Variants in CDH11 observed in about 807,000 individuals in gnomAD.
The protein encoded by CDH11 is cadherin 11.
A neutral mutation model predicts 67.8 loss-of-function variants in CDH11; 11 were observed. That is an observed-to-expected ratio of 0.16 (90% confidence interval 0.10 to 0.27). The LOEUF (loss-of-function observed/expected upper bound fraction) is 0.27. CDH11 is among the 10% of genes least tolerant of loss of function. The probability of loss-of-function intolerance (pLI) is 1.00; values close to 1 mark genes in which losing one functional copy is unlikely to be tolerated. For synonymous variants in CDH11, 419 were observed against 400.0 expected, an observed-to-expected ratio of 1.05 and a Z score of -0.57; for missense variants, 847 against 1,031.2, an observed-to-expected ratio of 0.82 and a Z score of 2.45.
rs200192911 is a variant in CDH11 at position 64,980,436 on chromosome 16, G to GA, written c.1253+1611dup. On this transcript the variant is annotated intron_variant, in intron 8 of 12. Coordinates refer to ENST00000268603, the MANE Select transcript of CDH11 (RefSeq NM_001797.4). ...GGGGTGAGGTAGGGAGGAGCAAGAG[G>GA]AAGGACATCCGATACATCTCTAGGG... is the stretch of plus-strand genomic sequence containing the variant. Among the ~76,000 whole-genome samples the GA allele has an allele frequency of 2.3e-3, 343 of 152,288 alleles. 3 individuals are homozygous for GA. The highest frequency in any genetic ancestry group is 7.6e-3 in the African/African-American group (314 of 41,566).
chr16:65,043,644 G>C (rs1434660867), intron 2 of CDH11, among the ~76,000 whole-genome samples: 2 of 152,208 alleles, frequency 1.3e-5, no homozygotes, highest in East Asian at 3.9e-4. Context: ...GAGACCACCA[G>C]ATCTTCAGTG....
chr16:65,021,871 A>C (rs2073432078), intron 2 of CDH11, among the ~76,000 whole-genome samples: 1 of 108,850 alleles, frequency 9.2e-6, no homozygotes, highest in Non-Finnish European at 1.9e-5. Flanking sequence ...CCCTAAAGTA[A>C]CTCAGAAAAA....
intron 2 of CDH11, among the ~76,000 whole-genome samples, chr16:65,014,001 A>G (rs1311614834): frequency 6.6e-6 from 1 of 152,202 alleles, no homozygotes; most frequent in Non-Finnish European, 1.5e-5. Context: ...CTGCTGTAAC[A>G]CAGAACATGG....
chr16:65,023,707 TG>T (rs1417904005), intron 2 of CDH11, among the ~76,000 whole-genome samples: 2 of 152,324 alleles, frequency 1.3e-5, no homozygotes, highest in African/African-American at 4.8e-5. Flanking sequence ...ATGGTAGCTT[TG>T]GGACATTGCT....
chr16:65,114,760 G>T (rs898740542), intron 1 of CDH11, among the ~76,000 whole-genome samples: 32 of 152,254 alleles, frequency 2.1e-4, no homozygotes, highest in African/African-American at 7.2e-4. Flanking sequence ...AGCCCAGCCT[G>T]GCTGTGATTT....
intron 2 of CDH11, among the ~76,000 whole-genome samples, chr16:65,031,228 C>T (rs2073637348): frequency 6.6e-6 from 1 of 152,188 alleles, no homozygotes; most frequent in Non-Finnish European, 1.5e-5. Context: ...GAAATGCATT[C>T]ACCAAACATA....
intron 12 of CDH11, among the ~76,000 whole-genome samples, chr16:64,950,530 C>A (rs567899369): frequency 6.6e-6 from 1 of 152,258 alleles, no homozygotes; most frequent in South Asian, 2.1e-4. Context: ...CTTCCCTGTT[C>A]TCTGCTGGAA....
At position 64,944,646 on chromosome 16, in the gene CDH11, A is replaced by C. The variant is rs543080200; in HGVS notation, c.*2957T>G. 46 of 231,672 alleles carry C rather than the reference A, an allele frequency of 2.0e-4. No individual in the cohort carries two copies. In the East Asian group the frequency reaches 2.8e-3, roughly 14 times the overall value. 14.4% of individuals were successfully genotyped at this position (231,672 alleles called of 1,614,324 possible). A position where few individuals can be genotyped will look rare whatever the true frequency, so the allele number is the denominator to read the frequency against. ...CCTGACATACAGAGCCATGATCTCT[A>C]TATTTTTAAGCAATTCTCCAAGAGG... On this transcript the variant is annotated 3_prime_UTR_variant, in exon 13 of 13. Coordinates refer to ENST00000268603, the MANE Select transcript of CDH11 (RefSeq NM_001797.4).
chr16:64,968,792 G>T (rs1315859673), intron 11 of CDH11, among the ~76,000 whole-genome samples: 1 of 152,182 alleles, frequency 6.6e-6, no homozygotes, highest in Non-Finnish European at 1.5e-5. Flanking sequence ...TCTATGGAAA[G>T]CAGTCTCAGC....
intron 1 of CDH11, among the ~76,000 whole-genome samples, chr16:65,067,791 G>C (rs1457156877): frequency 6.9e-6 from 1 of 144,014 alleles, no homozygotes. Flanking sequence ...GAGGGAGAGA[G>C]AGAGGAAGGA....
chr16:65,114,371 A>C lies in CDH11; in HGVS notation c.-298+7509T>G, dbSNP rs56706484. ...GCCCAGGCTTGAGACACGCACCAAA[A>C]ACAGTGGAAAACTGAGGATTTAGAG... On this transcript the variant is annotated intron_variant, in intron 1 of 12. Transcript: ENST00000268603. Among the ~76,000 whole-genome samples the C allele has an allele frequency of 6.7e-3, 1,021 of 152,134 alleles. 15 individuals are homozygous for C. The highest frequency in any genetic ancestry group is 0.023 in the African/African-American group (969 of 41,500).
At chr16:65,016,715 GA>G (rs1227427081) in intron 2 of CDH11, among the ~76,000 whole-genome samples, 1 of 152,210 alleles carries the variant, frequency 6.6e-6, no homozygotes, top group African/African-American at 2.4e-5. Flanking sequence ...AGGAATTCAA[GA>G]GCAATCCCAG....
chr16:64,966,542 T>TA (rs1376858322), intron 11 of CDH11, among the ~76,000 whole-genome samples: 3 of 151,744 alleles, frequency 2.0e-5, no homozygotes, highest in Admixed American at 6.6e-5. Flanking sequence ...AATAGAAAGT[T>TA]AAAAAAATCT....
At chr16:65,015,950 C>T (rs754025411) in intron 2 of CDH11, among the ~76,000 whole-genome samples, 8 of 152,112 alleles carry the variant, frequency 5.3e-5, no homozygotes, top group Admixed American at 1.3e-4. Flanking sequence ...CACCAGGGTC[C>T]CCATGTATCC....
chr16:64,984,364 T>C lies in CDH11; in HGVS notation c.1000-2063A>G, dbSNP rs142855107. ...ATATGCATCCATCATTTTGACTGAA[T>C]GAAGAGTGGGGCTGATAGATGCTTA... On this transcript the variant is annotated intron_variant, in intron 7 of 12. Transcript: ENST00000268603. Among the ~76,000 whole-genome samples the C allele has an allele frequency of 4.6e-3, 700 of 152,336 alleles. 4 individuals carry two copies. Among genetic ancestry groups the C allele is most frequent in the African/African-American group, 0.016 (665 of 41,572 alleles).
chr16:65,080,548 T>C (rs1294174824), intron 1 of CDH11, among the ~76,000 whole-genome samples: 3 of 152,220 alleles, frequency 2.0e-5, no homozygotes, highest in Admixed American at 2.0e-4. Context: ...TGAATATCTT[T>C]CTTTGATTAG....
intron 1 of CDH11, among the ~76,000 whole-genome samples, chr16:65,072,491 A>C (rs537278591): frequency 9.9e-5 from 15 of 152,206 alleles, no homozygotes; most frequent in Non-Finnish European, 2.2e-4. Context: ...CCCTTGAACT[A>C]ACAGCATCTT....
intron 4 of CDH11, among the ~76,000 whole-genome samples, chr16:64,995,499 T>A (rs2072741010): frequency 6.6e-6 from 1 of 152,182 alleles, no homozygotes; most frequent in Non-Finnish European, 1.5e-5. Context: ...AGGAAAGTAC[T>A]CCTTAATCAA....
At chr16:64,971,803 CT>C in intron 10 of CDH11, 107 bp from the exon 11 acceptor site, 8 of 1,398,060 alleles carry the variant, frequency 5.7e-6, no homozygotes, top group Non-Finnish European at 8.1e-6. Context: ...GAGAACATAA[CT>C]TCAGAACAAA....
Sources: gnomAD v4.1 joint callset for allele counts (sites outside exome capture counted in the v4.1 genomes callset) on GRCh38, gnomAD v4.1.1 for gene constraint, MANE v1.5 for transcripts, NCBI Gene and HGNC (gene_info 2026-07-23, HGNC 2026-07-21) for gene names.